The following MYRIP variants were observed in gnomAD, a reference collection of about 807,000 sequenced individuals.
The protein encoded by MYRIP is myosin VIIA and Rab interacting protein, also known as rab effector MyRIP.
Under a neutral mutation model 98.0 loss-of-function variants are expected in MYRIP, and 49 were observed. That is an observed-to-expected ratio of 0.50 (90% CI 0.40 to 0.63). The LOEUF is 0.63. Among genes scored for constraint, MYRIP ranks in the 30% least tolerant of loss-of-function variants. MYRIP has a pLI of 0.00. For missense variants in MYRIP, 1,004 were observed against 1,058.2 expected, an observed-to-expected ratio of 0.95 and a Z score of 0.71; for synonymous variants, 404 against 409.5, an observed-to-expected ratio of 0.99 and a Z score of 0.16.
At chr3:40,213,931 A>G (rs970510836) in intron 11 of MYRIP, among the ~76,000 whole-genome samples, 7 of 152,174 alleles carry the variant, frequency 4.6e-5, no homozygotes, top group African/African-American at 1.7e-4. Context: ...GGCTTGAGCC[A>G]TGCACTGACT....
chr3:39,945,106 G>A (rs1944869758), intron 2 of MYRIP, among the ~76,000 whole-genome samples: 1 of 151,932 alleles, frequency 6.6e-6, no homozygotes, highest in South Asian at 2.1e-4. Context: ...GGGAAATTAA[G>A]CCACATGCTT....
Position 40,166,941 on chromosome 3 carries a change from CTG to C in MYRIP, c.647_648del (p.Leu216ArgfsTer5). On this transcript the variant is annotated frameshift_variant and splice_region_variant, in exon 6 of 17. Transcript: ENST00000302541. LOFTEE classifies it high-confidence loss of function. ...ISKAEAYGDS[L>X]DKQNEASYLR... Reference sequence around the variant, plus strand: ...CAAAGCAGAGGCATATGGGGACAGCCTGGTAGGGCCCCTCCTGCTCCTCTCTG... The same window carrying C: ...CAAAGCAGAGGCATATGGGGACAGCCGTAGGGCCCCTCCTGCTCCTCTCTG... The C allele has an allele frequency of 6.2e-7, 1 of 1,612,234 alleles. No homozygotes were observed. The highest frequency in any genetic ancestry group is 8.5e-7 in the Non-Finnish European group (1 of 1,178,450).
intron 2 of MYRIP, among the ~76,000 whole-genome samples, chr3:40,029,277 T>G (rs1354350063): frequency 1.3e-5 from 2 of 152,174 alleles, no homozygotes; most frequent in African/African-American, 4.8e-5. Flanking sequence ...CTGTTAACAT[T>G]TTATTCAGCC....
At chr3:39,939,327 G>C (rs781214793) in intron 2 of MYRIP, among the ~76,000 whole-genome samples, 1 of 152,130 alleles carries the variant, frequency 6.6e-6, no homozygotes, top group Admixed American at 6.5e-5. Flanking sequence ...CAGCCAGAGA[G>C]GGCAACACTC....
intron 3 of MYRIP, among the ~76,000 whole-genome samples, chr3:40,105,323 C>T (rs1181142042): frequency 1.3e-5 from 2 of 152,152 alleles, no homozygotes; most frequent in Non-Finnish European, 2.9e-5. Context: ...GTCCTACATA[C>T]TGTATTAGTC....
chr3:40,086,887 G>A (rs530985414), intron 3 of MYRIP, among the ~76,000 whole-genome samples: 1 of 152,112 alleles, frequency 6.6e-6, no homozygotes, highest in Admixed American at 6.5e-5. Context: ...AGCAGCAAGC[G>A]GTTCTCGGGG....
intron 2 of MYRIP, among the ~76,000 whole-genome samples, chr3:39,952,471 A>G (rs1449084577): frequency 2.6e-5 from 4 of 152,178 alleles, no homozygotes; most frequent in Non-Finnish European, 5.9e-5. Flanking sequence ...AATACGGTAT[A>G]TTACATTAAT....
intron 2 of MYRIP, among the ~76,000 whole-genome samples, chr3:39,978,557 C>T (rs1003328799): frequency 6.6e-5 from 10 of 152,152 alleles, no homozygotes; most frequent in African/African-American, 2.2e-4. Context: ...TATGTTCCAC[C>T]CAGGATTATA....
At chr3:40,155,905 T>C (rs1950224241) in intron 4 of MYRIP, among the ~76,000 whole-genome samples, 2 of 151,224 alleles carry the variant, frequency 1.3e-5, no homozygotes, top group Non-Finnish European at 3.0e-5. Flanking sequence ...CTTTGTCAGA[T>C]GAGTAGGTTG....
chr3:40,129,440 C>CAAAAAA lies in MYRIP; in HGVS notation c.333-21577_333-21572dup, dbSNP rs386396419. On this transcript the variant is annotated intron_variant, in intron 3 of 16. Transcript: ENST00000302541. ...TGGGCGACAGAGTGAGACTCTGTCT[C>CAAAAAA]AAAAAAAAAAAAAAAAAAAAAAAAA... Among the ~76,000 whole-genome samples the CAAAAAA allele has an allele frequency of 7.8e-4, 23 of 29,370 alleles. 5 individuals are homozygous for CAAAAAA. The highest frequency in any genetic ancestry group is 3.2e-3 in the Admixed American group (5 of 1,580). 19.3% of individuals were successfully genotyped at this position (29,370 alleles called of 152,430 possible). A position where few individuals can be genotyped will look rare whatever the true frequency, so the allele number is the denominator to read the frequency against.
intron 1 of MYRIP, among the ~76,000 whole-genome samples, chr3:39,870,829 C>T (rs1942766902): frequency 6.6e-6 from 1 of 152,190 alleles, no homozygotes; most frequent in African/African-American, 2.4e-5. Flanking sequence ...AATGTGATCA[C>T]AGGGCTTTCT....
chr3:39,827,015 T>C (rs977708781), intron 1 of MYRIP, among the ~76,000 whole-genome samples: 9 of 152,228 alleles, frequency 5.9e-5, no homozygotes, highest in Admixed American at 3.3e-4. Flanking sequence ...GAATATCTTT[T>C]TTCACCCCTT....
At chr3:39,883,647 T>C (rs917901924) in intron 1 of MYRIP, among the ~76,000 whole-genome samples, 10 of 151,894 alleles carry the variant, frequency 6.6e-5, no homozygotes, top group Admixed American at 5.2e-4. Context: ...GTTGAAATTA[T>C]ATAAAAAAAG....
chr3:40,214,693 G>C (rs1714407), intron 11 of MYRIP, among the ~76,000 whole-genome samples: 139,013 of 152,190 alleles, frequency 0.91, 63,758 homozygotes, highest in Non-Finnish European at 0.95. Flanking sequence ...AGACCTCAGC[G>C]GTCAGCCTTC....
chr3:39,927,918 GA>G (rs1396885149), intron 2 of MYRIP, among the ~76,000 whole-genome samples: 3 of 151,872 alleles, frequency 2.0e-5, no homozygotes, highest in African/African-American at 7.3e-5. Context: ...CACATAAACA[GA>G]ATTAAAAACA....
chr3:40,036,248 T>G (rs1947379467), intron 2 of MYRIP, among the ~76,000 whole-genome samples: 1 of 134,996 alleles, frequency 7.4e-6, no homozygotes, highest in African/African-American at 2.8e-5. Context: ...GAAGTTAGAG[T>G]CTTCTACAAA....
At chr3:39,861,199 G>T (rs1237620170) in intron 1 of MYRIP, among the ~76,000 whole-genome samples, 1 of 152,178 alleles carries the variant, frequency 6.6e-6, no homozygotes, top group Non-Finnish European at 1.5e-5. Context: ...GCCCCCCAGA[G>T]TTAGAGCATG....
At chr3:39,997,453 C>A (rs200628627) in intron 2 of MYRIP, among the ~76,000 whole-genome samples, 2 of 151,308 alleles carry the variant, frequency 1.3e-5, no homozygotes, top group Admixed American at 6.6e-5. Flanking sequence ...ATAAATTCCT[C>A]GACACATACA....
chr3:39,837,781 C>G (rs1418535038), intron 1 of MYRIP, among the ~76,000 whole-genome samples: 2 of 152,154 alleles, frequency 1.3e-5, no homozygotes, highest in African/African-American at 2.4e-5. Flanking sequence ...ATGGGAATGG[C>G]ATTGAATGTA....
Sources: gnomAD v4.1 joint callset for allele counts (sites outside exome capture counted in the v4.1 genomes callset) on GRCh38, gnomAD v4.1.1 for gene constraint, MANE v1.5 for transcripts, NCBI Gene and HGNC (gene_info 2026-07-23, HGNC 2026-07-21) for gene names.